The following MYO16 variants were observed in gnomAD, a reference collection of about 807,000 sequenced individuals.
MYO16 encodes the protein myosin XVI.
In MYO16, 94 loss-of-function variants were observed where a neutral mutation model predicts 205.3. The ratio of observed to expected loss-of-function variants is 0.46; its 90% CI spans 0.39 to 0.54. The LOEUF (loss-of-function observed/expected upper bound fraction) is 0.54, where lower values mean the gene tolerates loss of function less well. Among genes scored for constraint, MYO16 ranks in the 20% least tolerant of loss-of-function variants. The probability of loss-of-function intolerance (pLI) is 0.00; values close to 1 mark genes in which losing one functional copy is unlikely to be tolerated. For missense variants in MYO16, 2,315 were observed against 2,387.5 expected (o/e 0.97, Z 0.63); for synonymous variants, 988 against 954.0 (o/e 1.04, Z -0.66).
At chr13:108,830,676 G>T (rs1313958807) in intron 9 of MYO16, among the ~76,000 whole-genome samples, 1 of 150,796 alleles carries the variant, frequency 6.6e-6, no homozygotes, top group Non-Finnish European at 1.5e-5. Context: ...CGAGTTAGTG[G>T]GTGCAGCGCA....
chr13:108,693,002 A>G (rs1882958530), intron 2 of MYO16, among the ~76,000 whole-genome samples: 1 of 152,172 alleles, frequency 6.6e-6, no homozygotes, highest in Non-Finnish European at 1.5e-5. Context: ...TTCCAGATGA[A>G]TATTATACAG....
chr13:108,854,916 T>C (rs746238564), intron 10 of MYO16, among the ~76,000 whole-genome samples: 3 of 152,240 alleles, frequency 2.0e-5, no homozygotes, highest in Admixed American at 6.5e-5. Context: ...TTAAAAGTAA[T>C]GTAGAGCAGA....
At chr13:108,523,832 A>G in the MYO16 span, among the ~76,000 whole-genome samples, 1 of 146,050 alleles carries the variant, frequency 6.8e-6, no homozygotes, top group African/African-American at 2.5e-5. Flanking sequence ...TAGTGTAGAT[A>G]TCTGTCCCCA....
intron 28 of MYO16, among the ~76,000 whole-genome samples, chr13:109,106,706 G>A (rs540799179): frequency 4.5e-4 from 69 of 152,240 alleles, no homozygotes; most frequent in African/African-American, 1.2e-3. Flanking sequence ...GTGCTGCTTC[G>A]GAACACAGGC....
chr13:109,100,733 C>T, intron 27 of MYO16, 52 bp from the exon 28 acceptor site: 1 of 1,428,320 alleles, frequency 7.0e-7, no homozygotes, highest in African/African-American at 1.4e-5. Context: ...TGAATGTGAT[C>T]ATGTGCTTGG....
intron 21 of MYO16, among the ~76,000 whole-genome samples, 152 bp from the exon 22 acceptor site, chr13:109,008,743 TGC>T: frequency 6.8e-6 from 1 of 146,470 alleles, no homozygotes; most frequent in Non-Finnish European, 1.5e-5. Context: ...ATCTTGTGTA[TGC>T]ACTACTGTAC....
At chr13:108,991,520 T>G (rs1884828684) in intron 20 of MYO16, among the ~76,000 whole-genome samples, 1 of 152,248 alleles carries the variant, frequency 6.6e-6, no homozygotes. Context: ...TGTTTTACCT[T>G]ACATCGCACT....
chr13:108,905,287 C>T (rs1293718053), intron 15 of MYO16, among the ~76,000 whole-genome samples: 1 of 152,132 alleles, frequency 6.6e-6, no homozygotes, highest in Non-Finnish European at 1.5e-5. Context: ...CTTTCAGCTG[C>T]TTTTCAGGTA....
intron 6 of MYO16, among the ~76,000 whole-genome samples, chr13:108,801,975 A>G (rs1344808198): frequency 6.6e-6 from 1 of 152,170 alleles, no homozygotes; most frequent in Non-Finnish European, 1.5e-5. Flanking sequence ...TAAATTGACA[A>G]ATAATACTTA....
intron 2 of MYO16, among the ~76,000 whole-genome samples, chr13:108,689,133 CTTTAATAACATACA>C (rs145148922): frequency 0.24 from 36,539 of 152,004 alleles, 4,397 homozygotes; most frequent in Middle Eastern, 0.36. Flanking sequence ...AGTTGATAAT[CTTTAATAACATACA>C]TTGTTGATAT....
upstream of MYO16, among the ~76,000 whole-genome samples, chr13:108,594,844 T>C (rs1235859512): frequency 6.6e-6 from 1 of 152,166 alleles, no homozygotes; most frequent in African/African-American, 2.4e-5. Context: ...GATCTCTGCA[T>C]TGGGAAATGA....
chr13:109,061,667 T>C (rs9301338), intron 27 of MYO16, among the ~76,000 whole-genome samples: 75,436 of 151,858 alleles, frequency 0.5, 18,758 homozygotes, highest in Middle Eastern at 0.55. Context: ...CAGCAATGAT[T>C]GCTGACCACA....
At chr13:108,713,880 T>TA (rs1883820268) in intron 3 of MYO16, among the ~76,000 whole-genome samples, 5 of 152,174 alleles carry the variant, frequency 3.3e-5, no homozygotes, top group African/African-American at 1.2e-4. Context: ...ACGTCTCTGT[T>TA]TTACACTCAG....
intron 2 of MYO16, among the ~76,000 whole-genome samples, chr13:108,710,272 G>T (rs962000189): frequency 6.6e-6 from 1 of 152,126 alleles, no homozygotes; most frequent in Non-Finnish European, 1.5e-5. Flanking sequence ...TGTATTTAAA[G>T]CAAAGGTAAT....
chr13:108,577,422 C>A, the MYO16 span, among the ~76,000 whole-genome samples: 5 of 152,190 alleles, frequency 3.3e-5, no homozygotes, highest in Admixed American at 1.3e-4. Flanking sequence ...TAGAAGCTCT[C>A]TCTGTGCTCC....
intron 16 of MYO16, among the ~76,000 whole-genome samples, chr13:108,921,813 G>A (rs1375894679): frequency 6.6e-6 from 1 of 152,192 alleles, no homozygotes; most frequent in African/African-American, 2.4e-5. Flanking sequence ...TGGGGGGTTT[G>A]GGAAAATCAT....
At chr13:108,950,152 A>T (rs893625234) in intron 16 of MYO16, among the ~76,000 whole-genome samples, 2 of 152,232 alleles carry the variant, frequency 1.3e-5, no homozygotes, top group Non-Finnish European at 2.9e-5. Context: ...TAAGCTTGAC[A>T]TCAAAATCAT....
intron 34 of MYO16, among the ~76,000 whole-genome samples, chr13:109,190,553 CAGA>C (rs1306518492): frequency 6.6e-6 from 1 of 152,156 alleles, no homozygotes; most frequent in African/African-American, 2.4e-5. Flanking sequence ...GTAGCAGCCC[CAGA>C]AGAATTAAGA....
At chr13:108,987,351 C>A (rs1243539194) in intron 20 of MYO16, among the ~76,000 whole-genome samples, 1 of 152,110 alleles carries the variant, frequency 6.6e-6, no homozygotes, top group Non-Finnish European at 1.5e-5. Flanking sequence ...GAGGAACCCC[C>A]AAAAGTATGC....
Sources: allele counts gnomAD v4.1 joint callset (sites outside exome capture counted in the v4.1 genomes callset), GRCh38; gene constraint gnomAD v4.1.1; transcripts MANE v1.5; gene names NCBI Gene and HGNC (gene_info 2026-07-23, HGNC 2026-07-21).